The following HSPA4 variants were observed in gnomAD, a reference collection of about 807,000 sequenced individuals.
The protein encoded by HSPA4 is heat shock 70 kDa protein 4.
HSPA4 carries 25 observed loss-of-function variants against 106.2 expected under a neutral mutation model. The observed-to-expected ratio is 0.24, with a 90% CI of 0.17 to 0.33. The LOEUF (loss-of-function observed/expected upper bound fraction) is 0.33, where lower values mean the gene tolerates loss of function less well. Among genes scored for constraint, HSPA4 ranks in the 10% least tolerant of loss-of-function variants. HSPA4 has a pLI of 1.00. For synonymous variants in HSPA4, 332 were observed against 333.6 expected (o/e 1.00, Z 0.05); for missense variants, 841 against 996.0 (o/e 0.84, Z 2.10).
At chr5:133,101,663 A>G (rs1204146283) in intron 16 of HSPA4, 96 bp from the exon 17 acceptor site, 6 of 1,140,054 alleles carry the variant, frequency 5.3e-6, no homozygotes, top group Non-Finnish European at 6.4e-6. Flanking sequence ...TATATATAGC[A>G]CACGGAGATT....
chr5:133,065,421 T>A (rs1765295068), intron 2 of HSPA4, among the ~76,000 whole-genome samples: 1 of 152,248 alleles, frequency 6.6e-6, no homozygotes, highest in African/African-American at 2.4e-5. Flanking sequence ...TATGTCATTT[T>A]GTCTAAGGGA....
intron 5 of HSPA4, 93 bp from the exon 6 acceptor site, chr5:133,073,900 G>A (rs1166672704): frequency 4.2e-6 from 3 of 710,952 alleles, no homozygotes; most frequent in Admixed American, 3.6e-5. Context: ...ACATGTAGTT[G>A]CATTCGTTAT....
In HSPA4 at chr5:133,097,149, A is replaced by G; in HGVS notation, c.1804-12A>G. On this transcript the variant is annotated splice_polypyrimidine_tract_variant and intron_variant, in intron 14 of 18. Transcript: ENST00000304858. ...TCCTAATGTCTGATTTATACATAATATTTATTCTCAGGGTAAGATGATCAT... is the reference window on the plus strand; with the variant it reads ...TCCTAATGTCTGATTTATACATAATGTTTATTCTCAGGGTAAGATGATCAT... 1 of 1,603,790 alleles carries G rather than the reference A, an allele frequency of 6.2e-7. No homozygotes were observed. Among genetic ancestry groups the G allele is most frequent in the Non-Finnish European group, 8.5e-7 (1 of 1,171,464 alleles).
chr5:133,053,994 C>T (rs1288995864), intron 1 of HSPA4, among the ~76,000 whole-genome samples: 1 of 151,890 alleles, frequency 6.6e-6, no homozygotes, highest in East Asian at 1.9e-4. Context: ...TTATTTTCAC[C>T]CTCAATTTTT....
At chr5:133,076,255 G>A (rs929895768) in intron 6 of HSPA4, 4 of 168,562 alleles carry the variant, frequency 2.4e-5, no homozygotes, top group Admixed American at 2.2e-4. Flanking sequence ...TCAGTTTTGT[G>A]ATACTGAGTA....
At chr5:133,083,143 A>AG (rs1285169372) in intron 7 of HSPA4, among the ~76,000 whole-genome samples, 2 of 140,090 alleles carry the variant, frequency 1.4e-5, no homozygotes, top group Non-Finnish European at 3.1e-5. Flanking sequence ...TCAAAAAAAT[A>AG]CAAAAAAAAA....
chr5:133,090,533 G>A (rs2126711713), intron 11 of HSPA4, among the ~76,000 whole-genome samples: 1 of 151,400 alleles, frequency 6.6e-6, no homozygotes. Flanking sequence ...GTTATCTAGA[G>A]TAGTTATAGA....
At chr5:133,088,076 ATGTT>A (rs1472465550) in intron 8 of HSPA4, among the ~76,000 whole-genome samples, 1 of 152,096 alleles carries the variant, frequency 6.6e-6, no homozygotes, top group African/African-American at 2.4e-5. Context: ...GCGTGTTTGA[ATGTT>A]TGGTCTGTTG....
intron 12 of HSPA4, among the ~76,000 whole-genome samples, chr5:133,091,613 G>A (rs1246431575): frequency 6.6e-6 from 1 of 152,188 alleles, no homozygotes; most frequent in Admixed American, 6.5e-5. Flanking sequence ...CTCAACTTGA[G>A]TTATTCCTGA....
chr5:133,061,130 T>C (rs1031799068), intron 1 of HSPA4, among the ~76,000 whole-genome samples: 17 of 151,006 alleles, frequency 1.1e-4, no homozygotes, highest in East Asian at 1.9e-4. Context: ...CTTTTCTTTT[T>C]TTTTTTTTTT....
chr5:133,076,547 A>G, intron 6 of HSPA4, 107 bp from the exon 7 acceptor site: 1 of 965,524 alleles, frequency 1.0e-6, no homozygotes, highest in Non-Finnish European at 1.5e-6. Flanking sequence ...ACCTTAATGT[A>G]ACCCTCCCTC....
At chr5:133,085,637 G>A (rs185681832) in intron 7 of HSPA4, among the ~76,000 whole-genome samples, 5 of 152,040 alleles carry the variant, frequency 3.3e-5, no homozygotes, top group African/African-American at 9.7e-5. Context: ...TCTAGCCTGG[G>A]CAACAAGATT....
At chr5:133,078,860 A>G (rs1765480338) in intron 7 of HSPA4, among the ~76,000 whole-genome samples, 1 of 151,664 alleles carries the variant, frequency 6.6e-6, no homozygotes, top group Admixed American at 6.6e-5. Context: ...CAGTCTCCTG[A>G]GTAGCTGGGA....
chr5:133,068,983 G>A (rs937281699), intron 3 of HSPA4, among the ~76,000 whole-genome samples: 21 of 152,180 alleles, frequency 1.4e-4, no homozygotes, highest in African/African-American at 4.3e-4. Flanking sequence ...AATAAAGTAA[G>A]AACTGTTCAA....
intron 13 of HSPA4, among the ~76,000 whole-genome samples, chr5:133,095,493 C>T (rs1765699458): frequency 6.6e-6 from 1 of 152,124 alleles, no homozygotes; most frequent in Non-Finnish European, 1.5e-5. Context: ...AATGAATTCT[C>T]ATTTGTGGAC....
intron 7 of HSPA4, among the ~76,000 whole-genome samples, chr5:133,080,403 G>A (rs1364833591): frequency 8.0e-6 from 1 of 124,278 alleles, no homozygotes; most frequent in Non-Finnish European, 1.6e-5. Context: ...GGTGATGAGA[G>A]TGAGACCCTG....
chr5:133,069,552 A>G (rs191487130), intron 3 of HSPA4, among the ~76,000 whole-genome samples: 27 of 152,246 alleles, frequency 1.8e-4, no homozygotes, highest in African/African-American at 5.8e-4. Flanking sequence ...CACCTAGCCC[A>G]TCTTTTATTA....
intron 13 of HSPA4, 138 bp from the exon 14 acceptor site, chr5:133,095,960 T>G: frequency 1.6e-6 from 1 of 611,868 alleles, no homozygotes; most frequent in Non-Finnish European, 2.8e-6. Flanking sequence ...CTAGATGTTA[T>G]GGTAGTCCTA....
chr5:133,054,218 T>A (rs1402634745), intron 1 of HSPA4, among the ~76,000 whole-genome samples: 1 of 152,010 alleles, frequency 6.6e-6, no homozygotes, highest in Non-Finnish European at 1.5e-5. Flanking sequence ...TTATTTATTT[T>A]GAGAAAAGGA....
Sources: gnomAD v4.1 joint callset for allele counts (sites outside exome capture counted in the v4.1 genomes callset) on GRCh38, gnomAD v4.1.1 for gene constraint, MANE v1.5 for transcripts, NCBI Gene and HGNC (gene_info 2026-07-23, HGNC 2026-07-21) for gene names.